The following TNS3 variants were observed in gnomAD, a reference collection of about 807,000 sequenced individuals.
The protein encoded by TNS3 is tensin 3.
TNS3 carries 45 observed loss-of-function variants against 140.9 expected under a neutral mutation model. The observed-to-expected ratio is 0.32, with a 90% CI of 0.25 to 0.41. The LOEUF is 0.41. Ranked by LOEUF, TNS3 falls within the 10% of genes least tolerant of loss-of-function variation. The pLI is 1.00. For synonymous variants in TNS3, 815 were observed against 788.4 expected (o/e 1.03, Z -0.56); for missense variants, 1,716 against 1,906.7 (o/e 0.90, Z 1.86).
At chr7:47,511,162 C>G (rs1798594278) in intron 2 of TNS3, among the ~76,000 whole-genome samples, 2 of 152,188 alleles carry the variant, frequency 1.3e-5, no homozygotes, top group Admixed American at 1.3e-4. Context: ...CACAGTGAAA[C>G]TGAACTTTAA....
rs1239881148 is a variant in TNS3 at position 47,296,987 on chromosome 7, G to T, written c.3676+95C>A. On this transcript the variant is annotated intron_variant, in intron 24 of 30. Transcript: ENST00000311160. ...ACTAAGAATAAAATTTGTGAGTATT[G>T]TTAAAGTCATCTTTTATTTTATTAG... is the stretch of plus-strand genomic sequence containing the variant. The T allele has an allele frequency of 4.1e-6, 6 of 1,475,884 alleles. No individual in the cohort carries two copies. The East Asian group carries it at 1.4e-4, about 35-fold the overall frequency. 91.4% of individuals were successfully genotyped at this position (1,475,884 alleles called of 1,614,324 possible). A position where few individuals can be genotyped will look rare whatever the true frequency, so the allele number is the denominator to read the frequency against.
chr7:47,377,762 C>T (rs563812870), intron 16 of TNS3, among the ~76,000 whole-genome samples: 113 of 147,324 alleles, frequency 7.7e-4, no homozygotes, highest in Admixed American at 1.4e-3. Context: ...TCTTCTCCCT[C>T]CTCCCCTCCC....
chr7:47,291,935 A>T lies in TNS3; in HGVS notation c.3928+20T>A. ...TTCTCCCCAGTCACCAGATGTAGAAATGGAGCTGCATTTACTGACCTGCCC... is the reference window on the plus strand; with the variant it reads ...TTCTCCCCAGTCACCAGATGTAGAATTGGAGCTGCATTTACTGACCTGCCC... On this transcript the variant is annotated intron_variant, in intron 27 of 30. Coordinates refer to ENST00000311160, the MANE Select transcript of TNS3 (RefSeq NM_022748.12). 1.2e-6 allele frequency: 2 copies of T among 1,613,516 alleles called. No individual in the cohort carries two copies. The highest frequency in any genetic ancestry group is 1.7e-6 in the Non-Finnish European group (2 of 1,179,706).
At chr7:47,463,336 C>T (rs1251439664) in intron 4 of TNS3, among the ~76,000 whole-genome samples, 2 of 152,162 alleles carry the variant, frequency 1.3e-5, no homozygotes, top group African/African-American at 4.8e-5. Flanking sequence ...CCCAGTTACT[C>T]AGGAGGCTGG....
intron 1 of TNS3, chr7:47,581,477 C>A (rs1216238132): frequency 6.6e-6 from 1 of 152,252 alleles, no homozygotes; most frequent in Non-Finnish European, 1.5e-5. Flanking sequence ...TTGAGCCTGC[C>A]CATTGAAGCC....
chr7:47,495,064 G>T (rs1364652699), intron 3 of TNS3, among the ~76,000 whole-genome samples: 1 of 151,836 alleles, frequency 6.6e-6, no homozygotes, highest in African/African-American at 2.4e-5. Context: ...TCTCCCCGGC[G>T]CCTGTAGTCC....
In TNS3 at chr7:47,544,367, T is replaced by A. The variant is rs1297314746; in HGVS notation, c.-264-15220A>T. Among the ~76,000 whole-genome samples the A allele has an allele frequency of 2.6e-5, 4 of 152,164 alleles. No homozygotes were observed. In the East Asian group the frequency reaches 7.7e-4, roughly 29 times the overall value. ...AACGGACCCCCACAGCTACGGGCTC[T>A]CTGTGTGCCTCCAAAATCCATATGT... On this transcript the variant is annotated intron_variant, in intron 1 of 30. Coordinates refer to ENST00000311160, the MANE Select transcript of TNS3 (RefSeq NM_022748.12).
chr7:47,343,903 C>T (rs1049153358), intron 20 of TNS3, among the ~76,000 whole-genome samples: 15 of 152,088 alleles, frequency 9.9e-5, no homozygotes, highest in African/African-American at 3.6e-4. Flanking sequence ...GCTTGGTTTA[C>T]TATGGAGAAA....
At chr7:47,465,893 C>T (rs1050704561) in intron 4 of TNS3, among the ~76,000 whole-genome samples, 3 of 151,322 alleles carry the variant, frequency 2.0e-5, no homozygotes, top group South Asian at 2.1e-4. Flanking sequence ...CATTGCACTC[C>T]AGCCTGGGCA....
chr7:47,381,972 C>G (rs967823468), intron 16 of TNS3, among the ~76,000 whole-genome samples: 1 of 152,146 alleles, frequency 6.6e-6, no homozygotes. Flanking sequence ...GTGAATACAA[C>G]GCAATGAATG....
intron 4 of TNS3, among the ~76,000 whole-genome samples, chr7:47,450,950 G>A (rs959288449): frequency 2.6e-5 from 4 of 151,876 alleles, no homozygotes; most frequent in South Asian, 4.2e-4. Flanking sequence ...CCTGGCCAAC[G>A]TGATGAAACC....
chr7:47,377,529 A>G (rs1791470849), intron 16 of TNS3, among the ~76,000 whole-genome samples: 2 of 152,150 alleles, frequency 1.3e-5, no homozygotes, highest in Admixed American at 6.5e-5. Context: ...TCATGGCATA[A>G]TGTTTGTCAA....
chr7:47,292,991 G>T, intron 25 of TNS3, 86 bp from the exon 26 acceptor site: 1 of 1,194,398 alleles, frequency 8.4e-7, no homozygotes. Context: ...GAATGAAACG[G>T]ATGCAAAGGC....
chr7:47,438,691 T>C (rs950403877), intron 6 of TNS3, among the ~76,000 whole-genome samples: 1 of 152,148 alleles, frequency 6.6e-6, no homozygotes, highest in Non-Finnish European at 1.5e-5. Context: ...GGCCACATCC[T>C]ACTCTGCCAC....
intron 16 of TNS3, among the ~76,000 whole-genome samples, chr7:47,381,187 A>G (rs1791735025): frequency 1.3e-5 from 2 of 152,212 alleles, no homozygotes; most frequent in African/African-American, 4.8e-5. Context: ...TGCAGCTTAC[A>G]AAGCACAGTT....
chr7:47,487,896 A>G (rs961907449), intron 3 of TNS3, among the ~76,000 whole-genome samples: 3 of 152,184 alleles, frequency 2.0e-5, no homozygotes, highest in Admixed American at 6.5e-5. Flanking sequence ...TTTCTTTCCT[A>G]AGTCATAAAA....
chr7:47,476,340 G>A (rs191073276), intron 4 of TNS3, among the ~76,000 whole-genome samples: 112 of 152,268 alleles, frequency 7.4e-4, no homozygotes, highest in Middle Eastern at 3.4e-3. Context: ...GCCTGTGTGC[G>A]CATGTGAGCA....
At chr7:47,535,524 T>A (rs1024299735) in intron 1 of TNS3, among the ~76,000 whole-genome samples, 2 of 152,272 alleles carry the variant, frequency 1.3e-5, no homozygotes, top group Non-Finnish European at 2.9e-5. Context: ...GATACTGTGC[T>A]TTCATTTCTC....
intron 23 of TNS3, among the ~76,000 whole-genome samples, chr7:47,299,752 A>T (rs1033298884): frequency 2.6e-5 from 4 of 152,162 alleles, no homozygotes; most frequent in African/African-American, 9.7e-5. Context: ...CTGTTTTTCC[A>T]AACAGAAGTA....
Sources: gnomAD v4.1 joint callset for allele counts (sites outside exome capture counted in the v4.1 genomes callset) on GRCh38, gnomAD v4.1.1 for gene constraint, MANE v1.5 for transcripts, NCBI Gene and HGNC (gene_info 2026-07-23, HGNC 2026-07-21) for gene names.